S100Z: variants seen among roughly 807,000 people sequenced by gnomAD.
The protein encoded by S100Z is S100 calcium binding protein Z, also known as protein S100-Z.
A neutral mutation model predicts 8.5 loss-of-function variants in S100Z; 11 were observed. The observed-to-expected ratio is 1.30, with a 90% confidence interval of 0.82 to 2.15. The LOEUF (loss-of-function observed/expected upper bound fraction) is 2.15. Among genes scored for constraint, S100Z ranks in the 30% most tolerant of loss-of-function variants. The pLI is 0.00. For missense variants in S100Z, 126 were observed against 117.9 expected, an observed-to-expected ratio of 1.07 and a Z score of -0.32; for synonymous variants, 34 against 43.8, an observed-to-expected ratio of 0.78 and a Z score of 0.89.
chr5:76,894,594 A>ATTT (rs544776998), intron 4 of S100Z, among the ~76,000 whole-genome samples: 1 of 141,268 alleles, frequency 7.1e-6, no homozygotes. Flanking sequence ...GGTGATTTAA[A>ATTT]TTTTTTTTTT....
chr5:76,876,331 C>A (rs983001285), intron 3 of S100Z, among the ~76,000 whole-genome samples: 1 of 151,794 alleles, frequency 6.6e-6, no homozygotes, highest in Admixed American at 6.6e-5. Flanking sequence ...TTAGAATTCC[C>A]ACAAACTTTT....
At chr5:76,867,747 A>G (rs1742820618) in intron 1 of S100Z, among the ~76,000 whole-genome samples, 1 of 151,764 alleles carries the variant, frequency 6.6e-6, no homozygotes, top group African/African-American at 2.4e-5. Flanking sequence ...ATGCCCGACT[A>G]ATTTTTGTAT....
intron 4 of S100Z, among the ~76,000 whole-genome samples, chr5:76,905,701 C>T (rs959173384): frequency 1.3e-5 from 2 of 152,258 alleles, no homozygotes; most frequent in African/African-American, 4.8e-5. Context: ...TGCGAACCAC[C>T]GTGCCTGGCC....
chr5:76,908,980 A>G (rs2150678015), intron 4 of S100Z, among the ~76,000 whole-genome samples: 1 of 152,244 alleles, frequency 6.6e-6, no homozygotes, highest in East Asian at 1.9e-4. Flanking sequence ...GGGCCACTAA[A>G]TCCAACCTTC....
the S100Z span, among the ~76,000 whole-genome samples, chr5:76,935,042 T>C: frequency 6.6e-6 from 1 of 152,206 alleles, no homozygotes; most frequent in African/African-American, 2.4e-5. Flanking sequence ...TTTATGTCAA[T>C]ATGTATTATG....
At chr5:76,863,022 A>T (rs1413853592) in intron 1 of S100Z, among the ~76,000 whole-genome samples, 1 of 152,186 alleles carries the variant, frequency 6.6e-6, no homozygotes, top group Non-Finnish European at 1.5e-5. Context: ...ATGAACCTGG[A>T]CAACTCACAG....
At chr5:76,852,221 G>A (rs1328330799) in intron 1 of S100Z, among the ~76,000 whole-genome samples, 7 of 152,046 alleles carry the variant, frequency 4.6e-5, no homozygotes, top group Admixed American at 6.6e-5. Flanking sequence ...AGCAGTGTCG[G>A]TCCTCTTATC....
chr5:76,908,625 C>T (rs1389280528), intron 4 of S100Z, among the ~76,000 whole-genome samples: 2 of 152,196 alleles, frequency 1.3e-5, no homozygotes, highest in Admixed American at 1.3e-4. Context: ...CAGATCCCTC[C>T]TCAGACAAGC....
chr5:76,877,883 C>T (rs758570381), intron 4 of S100Z, 49 bp downstream of exon 4: 2 of 1,341,870 alleles, frequency 1.5e-6, no homozygotes, highest in Admixed American at 3.5e-5. Flanking sequence ...AAGTTATGTA[C>T]TTAATGTTCA....
chr5:76,939,304 C>G, the S100Z span, among the ~76,000 whole-genome samples: 1 of 151,908 alleles, frequency 6.6e-6, no homozygotes, highest in African/African-American at 2.4e-5. Flanking sequence ...AGGCGCCCAC[C>G]ACCACGCCTG....
chr5:76,852,140 C>T (rs1048032625), intron 1 of S100Z, among the ~76,000 whole-genome samples: 5 of 152,226 alleles, frequency 3.3e-5, no homozygotes, highest in African/African-American at 9.6e-5. Context: ...GAAGCAGTCT[C>T]GCCTTCTTGG....
chr5:76,898,682 A>G (rs913812396), intron 4 of S100Z, among the ~76,000 whole-genome samples: 1 of 152,142 alleles, frequency 6.6e-6, no homozygotes, highest in African/African-American at 2.4e-5. Context: ...TTTCTGATGT[A>G]TTGTTGAATT....
At chr5:76,891,143 G>T (rs371429621) in intron 4 of S100Z, among the ~76,000 whole-genome samples, 1 of 152,206 alleles carries the variant, frequency 6.6e-6, no homozygotes, top group Non-Finnish European at 1.5e-5. Flanking sequence ...GATTACAGGC[G>T]TGAGCCACCA....
the S100Z span, among the ~76,000 whole-genome samples, chr5:76,931,807 C>A: frequency 7.7e-6 from 1 of 130,002 alleles, no homozygotes; most frequent in Non-Finnish European, 1.7e-5. Flanking sequence ...TTTTATTCTT[C>A]TTTTTTTTTG....
intron 1 of S100Z, among the ~76,000 whole-genome samples, chr5:76,868,310 T>C (rs527963853): frequency 6.6e-6 from 1 of 151,750 alleles, no homozygotes; most frequent in East Asian, 1.9e-4. Context: ...TACCAAAGGA[T>C]ATATTTAGCT....
At chr5:76,897,297 C>T (rs1744069421) in intron 4 of S100Z, among the ~76,000 whole-genome samples, 1 of 151,776 alleles carries the variant, frequency 6.6e-6, no homozygotes, top group South Asian at 2.1e-4. Context: ...AAAAAATTAG[C>T]CAGGTGTGGT....
the S100Z span, among the ~76,000 whole-genome samples, chr5:76,949,881 T>C: frequency 2.0e-5 from 3 of 152,240 alleles, no homozygotes; most frequent in Admixed American, 6.5e-5. Context: ...CAGAGATCTG[T>C]TGTACAACGT....
chr5:76,936,949 C>T, the S100Z span, among the ~76,000 whole-genome samples: 1 of 152,098 alleles, frequency 6.6e-6, no homozygotes, highest in Admixed American at 6.6e-5. Flanking sequence ...ATCCTTCACC[C>T]AACAGGAGTA....
intron 4 of S100Z, among the ~76,000 whole-genome samples, chr5:76,898,262 T>C (rs537504170): frequency 1.3e-5 from 2 of 152,204 alleles, no homozygotes; most frequent in Admixed American, 6.5e-5. Context: ...GTGATTCTCC[T>C]GCCTCAGCCT....
Sources: gnomAD v4.1 joint callset for allele counts (sites outside exome capture counted in the v4.1 genomes callset) on GRCh38, gnomAD v4.1.1 for gene constraint, MANE v1.5 for transcripts, NCBI Gene and HGNC (gene_info 2026-07-23, HGNC 2026-07-21) for gene names.